The following PHF20 variants were observed in gnomAD, a reference collection of about 807,000 sequenced individuals.
PHF20 encodes PHD finger protein 20, also known as glioma-expressed antigen 2.
In PHF20, 23 loss-of-function variants were observed where a neutral mutation model predicts 113.5. The ratio of observed to expected loss-of-function variants is 0.20; its 90% confidence interval spans 0.15 to 0.29. The LOEUF (loss-of-function observed/expected upper bound fraction) is 0.29. PHF20 is among the 10% of genes least tolerant of loss of function. The pLI, the probability that PHF20 is intolerant of heterozygous loss-of-function variation, is 1.00. For missense variants in PHF20, 943 were observed against 1,219.6 expected, an observed-to-expected ratio of 0.77 and a Z score of 3.38; for synonymous variants, 434 against 457.3, an observed-to-expected ratio of 0.95 and a Z score of 0.65.
At chr20:35,787,364 A>G (rs1476895478) in intron 1 of PHF20, among the ~76,000 whole-genome samples, 1 of 151,006 alleles carries the variant, frequency 6.6e-6, no homozygotes, top group Non-Finnish European at 1.5e-5. Context: ...TTTTTAGTCT[A>G]GACGAGGTTT....
intron 9 of PHF20, among the ~76,000 whole-genome samples, chr20:35,885,604 A>G (rs2054715424): frequency 6.7e-6 from 1 of 150,252 alleles, no homozygotes; most frequent in African/African-American, 2.5e-5. Flanking sequence ...TATCCTCATA[A>G]TTTGATTTGG....
chr20:35,815,916 C>T (rs1466974238), intron 2 of PHF20, among the ~76,000 whole-genome samples: 1 of 152,010 alleles, frequency 6.6e-6, no homozygotes, highest in Non-Finnish European at 1.5e-5. Context: ...ATATATATTC[C>T]CCCTCCAGCT....
intron 9 of PHF20, among the ~76,000 whole-genome samples, chr20:35,874,353 C>A (rs532837837): frequency 6.6e-6 from 1 of 152,202 alleles, no homozygotes; most frequent in African/African-American, 2.4e-5. Context: ...AGGCAAAAAG[C>A]GACAGTCATA....
At chr20:35,886,462 T>C (rs1248742850) in intron 9 of PHF20, among the ~76,000 whole-genome samples, 1 of 152,200 alleles carries the variant, frequency 6.6e-6, no homozygotes, top group Non-Finnish European at 1.5e-5. Flanking sequence ...TGCTTCAAGC[T>C]GAAAAAATTA....
At chr20:35,899,677 T>C (rs940282574) in intron 10 of PHF20, 29 bp downstream of exon 10, 4 of 1,606,984 alleles carry the variant, frequency 2.5e-6, no homozygotes, top group South Asian at 1.1e-5. Flanking sequence ...CATTGTGTCA[T>C]GGATGGCTCA....
chr20:35,921,581 G>C (rs1296012417), intron 13 of PHF20, among the ~76,000 whole-genome samples: 1 of 152,014 alleles, frequency 6.6e-6, no homozygotes, highest in East Asian at 1.9e-4. Context: ...CTACTCCAGA[G>C]ACTGAAGTAG....
At chr20:35,868,638 AAAC>A (rs201291310) in intron 6 of PHF20, among the ~76,000 whole-genome samples, 6,464 of 151,908 alleles carry the variant, frequency 0.043, 174 homozygotes, top group African/African-American at 0.08. Context: ...GCAAGCAAGC[AAAC>A]AAAATCTAAA....
intron 17 of PHF20, among the ~76,000 whole-genome samples, chr20:35,942,895 C>G (rs1306125033): frequency 1.3e-5 from 2 of 151,976 alleles, no homozygotes; most frequent in Non-Finnish European, 2.9e-5. Context: ...GCCATCTCAG[C>G]TCACTGCAAG....
At chr20:35,908,638 T>C (rs1207520339) in intron 10 of PHF20, among the ~76,000 whole-genome samples, 1 of 152,122 alleles carries the variant, frequency 6.6e-6, no homozygotes, top group Non-Finnish European at 1.5e-5. Flanking sequence ...CAACAGATAA[T>C]ATCCCTCCTT....
chr20:35,947,619 T>C lies in PHF20; in HGVS notation c.3031T>C (p.Ser1011Pro), dbSNP rs1437456398. The C allele has an allele frequency of 6.2e-7, 1 of 1,613,412 alleles. No individual in the cohort carries two copies. The highest frequency in any genetic ancestry group is 8.5e-7 in the Non-Finnish European group (1 of 1,179,684). The change falls in exon 18 of 18, where the codon TCA (serine) becomes CCA (proline). Residue 1011 changes from serine (S) to proline (P), a missense_variant. By Grantham distance (74) the Ser-to-Pro change is moderately conservative. Transcript: ENST00000374012. The stretch of plus-strand genomic sequence containing the variant: ...GGTGCAGCAGATCGCCCTCTGCTGC[T>C]CAACATGAAACTGGGCACCCAAAAC... ...GKVQQIALCC[S>P]T
intron 13 of PHF20, among the ~76,000 whole-genome samples, chr20:35,927,008 A>G (rs887493677): frequency 1.6e-4 from 24 of 151,960 alleles, no homozygotes; most frequent in African/African-American, 5.6e-4. Flanking sequence ...CAGACCTACT[A>G]TCCTCAGGCT....
At position 35,793,921 on chromosome 20, in the gene PHF20, G is replaced by T. The variant is rs577386543; in HGVS notation, c.-32-7570G>T. Among the ~76,000 whole-genome samples the T allele has an allele frequency of 2.7e-5, 4 of 150,104 alleles. No individual in the cohort carries two copies. The South Asian group carries it at 8.5e-4, about 32-fold the overall frequency. On this transcript the variant is annotated intron_variant, in intron 1 of 17. Coordinates refer to ENST00000374012, the MANE Select transcript of PHF20 (RefSeq NM_016436.5). Reference sequence around the variant, plus strand: ...GGTGAGGCAGGAGATGCTTGAACCTGGGAGGCGGAGGTTGCAGAGAGCCGA... The same window carrying T: ...GGTGAGGCAGGAGATGCTTGAACCTTGGAGGCGGAGGTTGCAGAGAGCCGA...
At chr20:35,929,744 C>G (rs2055714440) in intron 14 of PHF20, among the ~76,000 whole-genome samples, 1 of 152,242 alleles carries the variant, frequency 6.6e-6, no homozygotes, top group Non-Finnish European at 1.5e-5. Flanking sequence ...ATCGCCAATA[C>G]TGTGAATAGA....
At chr20:35,892,468 C>T (rs887099397) in intron 9 of PHF20, among the ~76,000 whole-genome samples, 1 of 151,894 alleles carries the variant, frequency 6.6e-6, no homozygotes. Context: ...CTCAGCCTCC[C>T]GAAGTGTTGG....
At chr20:35,921,891 G>T (rs1456741037) in intron 13 of PHF20, among the ~76,000 whole-genome samples, 1 of 152,054 alleles carries the variant, frequency 6.6e-6, no homozygotes, top group Admixed American at 6.6e-5. Context: ...TCTTCAGTGG[G>T]TGAGTAATGA....
rs749245720 is a variant in PHF20, at chr20:35,871,003, C to T, written c.971C>T (p.Ser324Leu). Residue 324 changes from serine to leucine, a missense_variant, in exon 8 of 18, where the codon TCG (serine) becomes TTG (leucine). By Grantham distance (145) the Ser-to-Leu change is moderately radical (BLOSUM62 -2). This residue lies in a region of PHF20 where 592 missense variants were observed against 787.2 expected (regional missense o/e 0.75). Transcript: ENST00000374012. Reference sequence around the variant, plus strand: ...TCGGAAAACACTGACAAAGACTTATCGAGGAGACGTTCCTCCAGGCTGTCC... The same window carrying T: ...TCGGAAAACACTGACAAAGACTTATTGAGGAGACGTTCCTCCAGGCTGTCC... ...NYSENTDKDL[S>L]RRRSSRLSTN... The T allele has an allele frequency of 7.5e-6, 12 of 1,610,008 alleles. No individual in the cohort carries two copies. Among genetic ancestry groups the T allele is most frequent in the East Asian group, 4.5e-5 (2 of 44,806 alleles).
At chr20:35,873,926 A>G (rs2054472402) in intron 9 of PHF20, among the ~76,000 whole-genome samples, 1 of 152,236 alleles carries the variant, frequency 6.6e-6, no homozygotes, top group African/African-American at 2.4e-5. Context: ...TAGTTGTCAC[A>G]TGAATTATAT....
chr20:35,841,016 T>C lies in PHF20; in HGVS notation c.84-1557T>C, dbSNP rs142334611. Among the ~76,000 whole-genome samples, 288 of 152,322 alleles carry C rather than the reference T, an allele frequency of 1.9e-3. 1 individual carries two copies. The highest frequency in any genetic ancestry group is 6.5e-3 in the African/African-American group (271 of 41,576). Reference sequence around the variant, plus strand: ...TTATGCATATATAAGCATATGTGAATACATATCCTTTTTTCTCCTCTTTAA... The same window carrying C: ...TTATGCATATATAAGCATATGTGAACACATATCCTTTTTTCTCCTCTTTAA... On this transcript the variant is annotated intron_variant, in intron 2 of 17. Coordinates refer to ENST00000374012, the MANE Select transcript of PHF20 (RefSeq NM_016436.5).
At chr20:35,894,317 G>A (rs956550667) in intron 9 of PHF20, among the ~76,000 whole-genome samples, 3 of 152,236 alleles carry the variant, frequency 2.0e-5, no homozygotes, top group Non-Finnish European at 2.9e-5. Context: ...TGGCTTCCAT[G>A]TGTTGATCAC....
Sources: allele counts gnomAD v4.1 joint callset (sites outside exome capture counted in the v4.1 genomes callset), GRCh38; gene constraint gnomAD v4.1.1; regional missense constraint gnomAD v4.1.1; transcripts MANE v1.5; gene names NCBI Gene and HGNC (gene_info 2026-07-23, HGNC 2026-07-21).